YLPM1: variants seen among roughly 807,000 people sequenced by gnomAD.
YLPM1 encodes the protein YLP motif containing 1, also known as YLP motif-containing protein 1.
YLPM1 carries 99 observed loss-of-function variants against 230.0 expected under a neutral mutation model. The observed-to-expected ratio is 0.43, with a 90% CI of 0.37 to 0.51. The LOEUF is 0.51. Ranked by LOEUF, YLPM1 falls within the 20% of genes least tolerant of loss-of-function variation. YLPM1 has a pLI of 0.00. For missense variants in YLPM1, 2,592 were observed against 2,707.7 expected (o/e 0.96, Z 0.95); for synonymous variants, 984 against 942.5 (o/e 1.04, Z -0.81).
At chr14:74,820,334 C>A (rs890722007) in intron 16 of YLPM1, among the ~76,000 whole-genome samples, 5 of 152,194 alleles carry the variant, frequency 3.3e-5, no homozygotes, top group African/African-American at 1.2e-4. Flanking sequence ...ATTGCTGCCT[C>A]ACCTCCTGGG....
chr14:74,776,268 C>T (rs552862651), intron 1 of YLPM1, among the ~76,000 whole-genome samples: 16 of 152,282 alleles, frequency 1.1e-4, no homozygotes, highest in South Asian at 4.1e-4. Flanking sequence ...CAGTGCTCCT[C>T]GGGGAAATAC....
chr14:74,833,368 C>G (rs576458474), intron 19 of YLPM1, among the ~76,000 whole-genome samples: 3 of 152,242 alleles, frequency 2.0e-5, no homozygotes, highest in Non-Finnish European at 4.4e-5. Flanking sequence ...CCCACCTCAT[C>G]CTCCCTAGTA....
intron 6 of YLPM1, among the ~76,000 whole-genome samples, chr14:74,807,099 G>A (rs955707100): frequency 6.6e-6 from 1 of 152,168 alleles, no homozygotes; most frequent in African/African-American, 2.4e-5. Context: ...GTCTTTAACT[G>A]TAGCCAGTAG....
intron 16 of YLPM1, among the ~76,000 whole-genome samples, chr14:74,818,971 T>TA (rs1221975296): frequency 6.6e-6 from 1 of 152,206 alleles, no homozygotes; most frequent in Admixed American, 6.5e-5. Context: ...ACATAAGTGA[T>TA]ACTGTGCCCT....
rs1025831841 is a variant in YLPM1 at position 74,763,631 on chromosome 14, T to A, written c.142T>A (p.Ser48Thr). The change falls in exon 1 of 21, where the codon TCG (serine) becomes ACG (threonine). Residue 48 changes from serine to threonine, a missense_variant. By Grantham distance (58) the Ser-to-Thr change is moderately conservative. Coordinates refer to ENST00000325680, the MANE Select transcript of YLPM1 (RefSeq NM_019589.3). The stretch of plus-strand genomic sequence containing the variant: ...GACGACTCCCGCGGCCCCCTCCTCC[T>A]CGGGCTTCATGAGCTTCCGCGAACA... ...SSTTPAAPSS[S>T]GFMSFREQHL... is the part of the protein sequence containing the mutation. 1.3e-6 allele frequency: 2 copies of A among 1,591,338 alleles called. No individual in the cohort carries two copies. Among genetic ancestry groups the A allele is most frequent in the East Asian group, 4.7e-5 (2 of 42,540 alleles).
chr14:74,821,186 T>A, intron 17 of YLPM1, 49 bp downstream of exon 17: 1 of 1,512,924 alleles, frequency 6.6e-7, no homozygotes, highest in South Asian at 1.3e-5. Flanking sequence ...ATTAAAATTC[T>A]TAAAGAAGGT....
intron 6 of YLPM1, among the ~76,000 whole-genome samples, chr14:74,808,748 G>T (rs2091403633): frequency 1.3e-5 from 2 of 150,902 alleles, no homozygotes; most frequent in South Asian, 4.2e-4. Flanking sequence ...AGGTGGCAGT[G>T]AGCTGAGATC....
chr14:74,811,451 C>T (rs1325727241), intron 9 of YLPM1, among the ~76,000 whole-genome samples, 169 bp from the exon 10 acceptor site: 1 of 151,896 alleles, frequency 6.6e-6, no homozygotes, highest in Non-Finnish European at 1.5e-5. Flanking sequence ...CCACTGCATT[C>T]CAGCCTGGTT....
At chr14:74,784,223 A>G (rs944098328) in intron 4 of YLPM1, among the ~76,000 whole-genome samples, 2 of 152,162 alleles carry the variant, frequency 1.3e-5, no homozygotes, top group Admixed American at 6.5e-5. Flanking sequence ...CTCTTTGCCT[A>G]CTAAATCTTG....
chr14:74,776,585 C>G lies in YLPM1; in HGVS notation c.874-1862C>G, dbSNP rs530595962. The stretch of plus-strand genomic sequence containing the variant: ...AAGCACAAAAGTTTGACAAATGTGT[C>G]TCTAAATAGACTGAAAATGACACTT... On this transcript the variant is annotated intron_variant, in intron 1 of 20. Transcript: ENST00000325680. Among the ~76,000 whole-genome samples, 15 of 152,268 alleles carry G rather than the reference C, an allele frequency of 9.9e-5. No homozygotes were observed. In the East Asian group the frequency reaches 2.9e-3, roughly 29 times the overall value.
At chr14:74,769,519 C>G (rs1017297824) in intron 1 of YLPM1, among the ~76,000 whole-genome samples, 7 of 151,404 alleles carry the variant, frequency 4.6e-5, no homozygotes, top group African/African-American at 1.7e-4. Flanking sequence ...ACTCCTGACC[C>G]CAGGTGATCT....
At chr14:74,778,917 T>C (rs151069159) in intron 2 of YLPM1, among the ~76,000 whole-genome samples, 88 of 152,300 alleles carry the variant, frequency 5.8e-4, no homozygotes, top group African/African-American at 2.0e-3. Context: ...CTTGGCTTAC[T>C]GCAACTTCTG....
At position 74,763,762 on chromosome 14, in the gene YLPM1, G is replaced by C. The variant is rs1334093256; in HGVS notation, c.273G>C (p.Val91=). The C allele has an allele frequency of 6.6e-7, 1 of 1,509,104 alleles. No individual in the cohort carries two copies. Among genetic ancestry groups the C allele is most frequent in the Non-Finnish European group, 8.9e-7 (1 of 1,129,390 alleles). 93.5% of individuals were successfully genotyped at this position (1,509,104 alleles called of 1,614,324 possible). ...LPPPPLPPPP[V]MPGGGYGDWQ... ...CGCCCCCTCTGCCGCCCCCGCCAGT[G>C]ATGCCGGGGGGCGGCTACGGAGACT... Residue 91 remains valine (V), a synonymous_variant, in exon 1 of 21, where the codon GTG becomes GTC. Coordinates refer to ENST00000325680, the MANE Select transcript of YLPM1 (RefSeq NM_019589.3).
intron 9 of YLPM1, among the ~76,000 whole-genome samples, chr14:74,811,084 T>C (rs1468921312): frequency 6.6e-6 from 1 of 152,024 alleles, no homozygotes; most frequent in Admixed American, 6.5e-5. Context: ...GCCTCGGCCT[T>C]CCGAAGTGCT....
At chr14:74,788,583 C>T (rs1340169292) in intron 4 of YLPM1, among the ~76,000 whole-genome samples, 1 of 152,224 alleles carries the variant, frequency 6.6e-6, no homozygotes, top group Non-Finnish European at 1.5e-5. Context: ...GGCTCACACA[C>T]CTATAATTCC....
At chr14:74,821,217 A>G in intron 17 of YLPM1, 80 bp downstream of exon 17, 1 of 1,454,246 alleles carries the variant, frequency 6.9e-7, no homozygotes, top group Non-Finnish European at 9.1e-7. Flanking sequence ...ATCTGTGGTT[A>G]GACAACTACT....
chr14:74,783,070 A>G (rs1288002697), intron 4 of YLPM1, among the ~76,000 whole-genome samples: 1 of 152,064 alleles, frequency 6.6e-6, no homozygotes, highest in Non-Finnish European at 1.5e-5. Flanking sequence ...TATGGAAATT[A>G]TTATTATTTT....
chr14:74,770,252 G>A (rs1333233562), intron 1 of YLPM1, among the ~76,000 whole-genome samples: 2 of 151,714 alleles, frequency 1.3e-5, no homozygotes, highest in African/African-American at 4.8e-5. Flanking sequence ...GGTGGCTGAG[G>A]TGGGAGGATT....
chr14:74,780,925 T>A (rs2091086108), intron 3 of YLPM1, among the ~76,000 whole-genome samples: 1 of 152,142 alleles, frequency 6.6e-6, no homozygotes, highest in Non-Finnish European at 1.5e-5. Context: ...AAAACAGCCA[T>A]CACAAAAAAC....
Sources: gnomAD v4.1 joint callset for allele counts (sites outside exome capture counted in the v4.1 genomes callset) on GRCh38, gnomAD v4.1.1 for gene constraint, MANE v1.5 for transcripts, NCBI Gene and HGNC (gene_info 2026-07-23, HGNC 2026-07-21) for gene names.